Variants in GEN1 observed in about 807,000 individuals in gnomAD.
GEN1 encodes flap endonuclease GEN homolog 1.
GEN1 carries 64 observed loss-of-function variants against 67.6 expected under a neutral mutation model. The observed-to-expected ratio is 0.95, with a 90% CI of 0.77 to 1.17. The LOEUF (loss-of-function observed/expected upper bound fraction) is 1.17, where lower values mean the gene tolerates loss of function less well. GEN1 is among the 50% of genes most tolerant of loss of function. The pLI is 0.00. For synonymous variants in GEN1, 371 were observed against 359.4 expected (o/e 1.03, Z -0.37); for missense variants, 1,058 against 1,048.3 (o/e 1.01, Z -0.13).
intron 5 of GEN1, among the ~76,000 whole-genome samples, chr2:17,767,374 C>T (rs947703219): frequency 1.3e-5 from 2 of 152,024 alleles, no homozygotes; most frequent in Non-Finnish European, 2.9e-5. Flanking sequence ...CCTTACAATC[C>T]GTCATTTTAC....
chr2:17,758,573 A>G (rs540653485), intron 1 of GEN1, among the ~76,000 whole-genome samples: 30 of 152,372 alleles, frequency 2.0e-4, no homozygotes, highest in African/African-American at 7.2e-4. Context: ...TGAAATAGAC[A>G]ATATTCTGGG....
At position 17,779,922 on chromosome 2, in the gene GEN1, T is replaced by C. The variant is rs1370992992; in HGVS notation, c.1265-56T>C. On this transcript the variant is annotated intron_variant, in intron 12 of 13. Transcript: ENST00000381254. ...GGTGTGAGCCATCAAGCCTGACCGA[T>C]TGAATTTTTTTAAATGCCTAATTAA... 33 of 1,436,232 alleles carry C rather than the reference T, an allele frequency of 2.3e-5. No homozygotes were observed. In the Admixed American group the frequency reaches 3.1e-4, roughly 13 times the overall value. 89.0% of individuals were successfully genotyped at this position (1,436,232 alleles called of 1,614,324 possible).
chr2:17,773,786 A>AT (rs1408809593), intron 10 of GEN1, among the ~76,000 whole-genome samples: 2 of 152,268 alleles, frequency 1.3e-5, no homozygotes, highest in East Asian at 3.9e-4. Flanking sequence ...ATTAACTCCT[A>AT]ATATAGTGGC....
At position 17,774,381 on chromosome 2, in the gene GEN1, T is replaced by G; in HGVS notation, c.1182T>G (p.Ser394=). The change falls in exon 11 of 14, where the codon TCT becomes TCG. Residue 394 remains serine, a synonymous_variant. Transcript: ENST00000381254. The stretch of plus-strand genomic sequence containing the variant: ...AAAGAAAGCTTGGTAGCAGAAACTC[T>G]AATCAACTACAGCCAATTCGGTAAT... ...MIERKLGSRN[S]NQLQPIRIVK... The G allele has an allele frequency of 6.2e-7, 1 of 1,603,962 alleles. No individual in the cohort carries two copies. The highest frequency in any genetic ancestry group is 8.5e-7 in the Non-Finnish European group (1 of 1,174,378).
rs753118422 is a variant in GEN1 at position 17,780,992 on chromosome 2, T to A, written c.1780T>A (p.Ser594Thr). The A allele has an allele frequency of 9.9e-6, 16 of 1,613,504 alleles. No individual in the cohort carries two copies. The East Asian group carries it at 2.2e-4, about 22-fold the overall frequency. Residue 594 changes from serine to threonine, a missense_variant, in exon 14 of 14, where the codon TCT becomes ACT. Transcript: ENST00000381254. Reference sequence around the variant, plus strand: ...GAGCACTATTGACTGGGAAGGTACTTCTTTTAGTAATTCTCCAGCTATTCA... The same window carrying A: ...GAGCACTATTGACTGGGAAGGTACTACTTTTAGTAATTCTCCAGCTATTCA... ...HLSTIDWEGT[S>T]FSNSPAIQRN... is the part of the protein sequence containing the mutation.
In GEN1 at chr2:17,778,377, C is replaced by T. The variant is rs1167016952; in HGVS notation, c.1264+314C>T. ...GTGTACATATATGTATATACACACA[C>T]ATATATGTGTGTACATATATGTATA... On this transcript the variant is annotated intron_variant, in intron 12 of 13. Transcript: ENST00000381254. 6.0e-3 allele frequency among the ~76,000 whole-genome samples: 126 copies of T among 21,176 alleles called. 45 individuals carry two copies. The East Asian group carries it at 0.2, about 34-fold the overall frequency. 13.9% of individuals were successfully genotyped at this position (21,176 alleles called of 152,430 possible).
chr2:17,753,906 C>T (rs1168951634), upstream of GEN1: 1 of 152,442 alleles, frequency 6.6e-6, no homozygotes, highest in Non-Finnish European at 1.5e-5. Context: ...CGGAAGTGCC[C>T]CTTAGCGGGT....
Position 17,781,066 on chromosome 2 carries a change from A to G in GEN1, c.1854A>G (p.Leu618=), listed in dbSNP as rs942479424. ...HDLKSEVESE[L]SAIPDGFENI... ...TAAAATCAGAAGTTGAATCAGAGCT[A>G]TCAGCCATCCCTGATGGCTTTGAAA... The change falls in exon 14 of 14, where the codon CTA becomes CTG. Residue 618 remains leucine, a synonymous_variant. Transcript: ENST00000381254. The G allele has an allele frequency of 8.7e-6, 14 of 1,613,360 alleles. No individual in the cohort carries two copies. The highest frequency in any genetic ancestry group is 2.7e-5 in the African/African-American group (2 of 74,932).
rs1672841153 is a variant in GEN1 at position 17,781,614 on chromosome 2, C to G, written c.2402C>G (p.Ser801Cys). ...MKKSVCLDRHSSDEQSAPVFG... is the reference protein window; with the variant it reads ...MKKSVCLDRHCSDEQSAPVFG... ...AAGAGTGTTTGCCTTGACAGACATTCCTCTGATGAACAAAGTGCCCCAGTG... is the reference window on the plus strand; with the variant it reads ...AAGAGTGTTTGCCTTGACAGACATTGCTCTGATGAACAAAGTGCCCCAGTG... Residue 801 changes from serine (S) to cysteine (C), a missense_variant, in exon 14 of 14, where the codon TCC becomes TGC. Physicochemically the swap from Ser to Cys is moderately radical, Grantham distance 112. Transcript: ENST00000381254. 1.2e-6 allele frequency: 2 copies of G among 1,613,880 alleles called. No homozygotes were observed. The highest frequency in any genetic ancestry group is 1.3e-5 in the African/African-American group (1 of 74,926).
chr2:17,762,889 C>T (rs545446478), intron 3 of GEN1, among the ~76,000 whole-genome samples: 6 of 152,154 alleles, frequency 3.9e-5, no homozygotes, highest in Admixed American at 2.0e-4. Context: ...GAAGCAGTGT[C>T]GGTGCACTCA....
intron 6 of GEN1, among the ~76,000 whole-genome samples, chr2:17,769,041 A>T (rs1007139651): frequency 6.6e-6 from 1 of 151,694 alleles, no homozygotes; most frequent in East Asian, 1.9e-4. Context: ...TTTTTTGGAG[A>T]CAAGGTCTCA....
chr2:17,786,342 T>G lies in GEN1; in HGVS notation c.*4403T>G, dbSNP rs2125193256. Reference sequence around the variant, plus strand: ...ACACTAGTAGGGGGCAGTGTGAGGGTGGGAGATGTGTTTTCAGAAGAAGGA... The same window carrying G: ...ACACTAGTAGGGGGCAGTGTGAGGGGGGGAGATGTGTTTTCAGAAGAAGGA... On this transcript the variant is annotated 3_prime_UTR_variant, in exon 14 of 14. Transcript: ENST00000381254. 6.6e-6 allele frequency: 1 copy of G among 152,198 alleles called. No homozygotes were observed. The allele number at this position is 152,198 out of a possible 1,614,324, so 9.4% of individuals were successfully genotyped here.
intron 11 of GEN1, among the ~76,000 whole-genome samples, chr2:17,775,329 A>G (rs1044882063): frequency 2.6e-5 from 4 of 152,238 alleles, no homozygotes; most frequent in African/African-American, 7.2e-5. Flanking sequence ...GTGATTTGGA[A>G]GACAAATCAA....
rs949762611 is a variant in GEN1 at position 17,770,412 on chromosome 2, T to G, written c.711-784T>G. Among the ~76,000 whole-genome samples, 4 of 152,162 alleles carry G rather than the reference T, an allele frequency of 2.6e-5. No homozygotes were observed. In the South Asian group the frequency reaches 8.3e-4, roughly 32 times the overall value. ...TAAATGAATTAGAAATTCCAGAAGCTAAATAGTAACTCTTAAGTACCAGAT... is the reference window on the plus strand; with the variant it reads ...TAAATGAATTAGAAATTCCAGAAGCGAAATAGTAACTCTTAAGTACCAGAT... On this transcript the variant is annotated intron_variant, in intron 6 of 13. Transcript: ENST00000381254.
chr2:17,760,140 G>A, intron 2 of GEN1, 36 bp downstream of exon 2: 2 of 1,561,530 alleles, frequency 1.3e-6, no homozygotes, highest in East Asian at 2.3e-5. Flanking sequence ...AATGTATGAT[G>A]TATAAACAGT....
At chr2:17,761,314 T>G (rs749713581) in intron 2 of GEN1, 82 bp from the exon 3 acceptor site, 23 of 711,514 alleles carry the variant, frequency 3.2e-5, no homozygotes, top group Admixed American at 2.9e-5. Context: ...ACTAGTCTAA[T>G]GTTCTTGCCT....
chr2:17,772,931 C>A, intron 8 of GEN1, 147 bp downstream of exon 8: 1 of 887,328 alleles, frequency 1.1e-6, no homozygotes, highest in Non-Finnish European at 1.7e-6. Context: ...AAAAATTTAG[C>A]TAACCTAGGA....
In GEN1 at chr2:17,786,713, T is replaced by C. The variant is rs1673071464; in HGVS notation, c.*4774T>C. On this transcript the variant is annotated 3_prime_UTR_variant, in exon 14 of 14. Transcript: ENST00000381254. ...TCACCTCAGAGAGTCCTAATCTTTT[T>C]ATCTCCTGACATTATAAATGTTGAG... The C allele has an allele frequency of 6.6e-6, 1 of 152,202 alleles. No individual in the cohort carries two copies. Among genetic ancestry groups the C allele is most frequent in the Admixed American group, 6.5e-5 (1 of 15,288 alleles). 9.4% of individuals were successfully genotyped at this position (152,202 alleles called of 1,614,324 possible).
At chr2:17,765,948 AATAT>A (rs10607623) in intron 4 of GEN1, among the ~76,000 whole-genome samples, 17 of 148,958 alleles carry the variant, frequency 1.1e-4, no homozygotes, top group African/African-American at 1.5e-4. Context: ...TACTTTCTAT[AATAT>A]ATATATATAT....
Sources: allele counts gnomAD v4.1 joint callset (sites outside exome capture counted in the v4.1 genomes callset), GRCh38; gene constraint gnomAD v4.1.1; transcripts MANE v1.5; gene names NCBI Gene and HGNC (gene_info 2026-07-23, HGNC 2026-07-21).